Variants in SENP8 observed in about 807,000 individuals in gnomAD.
The protein encoded by SENP8 is SUMO peptidase family member, NEDD8 specific, also known as sentrin-specific protease 8.
A neutral mutation model predicts 14.4 loss-of-function variants in SENP8; 10 were observed. That is an observed-to-expected ratio of 0.69 (90% CI 0.43 to 1.18). The LOEUF (loss-of-function observed/expected upper bound fraction) is 1.18. SENP8 is among the 50% of genes most tolerant of loss of function. The pLI, the probability that SENP8 is intolerant of heterozygous loss-of-function variation, is 0.00. For synonymous variants in SENP8, 94 were observed against 95.5 expected (o/e 0.98, Z 0.09); for missense variants, 202 against 249.4 (o/e 0.81, Z 1.28).
chr15:72,143,298 A>G lies in SENP8; in HGVS notation c.*3036A>G, dbSNP rs1344774137. ...GTCAGATTCAGTAGTCTCATCTACA[A>G]AATAAACCTTGTTTTCCTTCTGTCC... is the stretch of plus-strand genomic sequence containing the variant. On this transcript the variant is annotated 3_prime_UTR_variant, in exon 2 of 2. Transcript: ENST00000340912. 1.3e-5 allele frequency: 2 copies of G among 152,250 alleles called. No homozygotes were observed. The highest frequency in any genetic ancestry group is 3.2e-3 in the Middle Eastern group (1 of 316). 9.4% of individuals were successfully genotyped at this position (152,250 alleles called of 1,614,324 possible). A position where few individuals can be genotyped will look rare whatever the true frequency, so the allele number is the denominator to read the frequency against.
intron 1 of SENP8, among the ~76,000 whole-genome samples, chr15:72,137,234 T>C (rs1459708455): frequency 6.8e-6 from 1 of 147,132 alleles, no homozygotes; most frequent in African/African-American, 2.5e-5. Flanking sequence ...GTATATGCCT[T>C]TTTTACAGAT....
At chr15:72,133,955 G>T (rs1407308617) in intron 1 of SENP8, among the ~76,000 whole-genome samples, 1 of 151,946 alleles carries the variant, frequency 6.6e-6, no homozygotes, top group Non-Finnish European at 1.5e-5. Flanking sequence ...TGTTTTGGGG[G>T]TTTTGTTTTT....
chr15:72,114,977 A>G (rs573759519), upstream of SENP8, among the ~76,000 whole-genome samples: 1 of 152,316 alleles, frequency 6.6e-6, no homozygotes, highest in African/African-American at 2.4e-5. Flanking sequence ...ATTAGGAAAG[A>G]TGGAGTTTAT....
intron 1 of SENP8, among the ~76,000 whole-genome samples, chr15:72,126,692 A>G (rs959329454): frequency 6.6e-6 from 1 of 152,236 alleles, no homozygotes; most frequent in African/African-American, 2.4e-5. Flanking sequence ...CATAATGTTC[A>G]GTGGAACACG....
Position 72,140,281 on chromosome 15 carries a change from G to T in SENP8, c.*19G>T, listed in dbSNP as rs747670340. 1.3e-6 allele frequency: 2 copies of T among 1,562,278 alleles called. No individual in the cohort carries two copies. The highest frequency in any genetic ancestry group is 2.2e-5 in the East Asian group (1 of 44,600). The stretch of plus-strand genomic sequence containing the variant: ...AAAGTAGCTATTGAAGTATATTTGC[G>T]ACTTTTGAAGGCTCCTCTTTCTGCC... On this transcript the variant is annotated 3_prime_UTR_variant, in exon 2 of 2. Transcript: ENST00000340912.
intron 1 of SENP8, among the ~76,000 whole-genome samples, chr15:72,127,573 T>C (rs1398477109): frequency 1.3e-5 from 2 of 152,172 alleles, no homozygotes; most frequent in East Asian, 1.9e-4. Context: ...CACATTTTCA[T>C]GTAGGGTTTT....
chr15:72,122,685 T>C (rs7170173), intron 1 of SENP8, among the ~76,000 whole-genome samples: 145,325 of 152,322 alleles, frequency 0.95, 69,706 homozygotes, highest in East Asian at 1. Flanking sequence ...TAGGAAGAAT[T>C]AAGTTTATGC....
intron 1 of SENP8, among the ~76,000 whole-genome samples, chr15:72,127,222 G>GA (rs1328473213): frequency 6.6e-6 from 1 of 152,166 alleles, no homozygotes; most frequent in Non-Finnish European, 1.5e-5. Flanking sequence ...GAGGGAAAGA[G>GA]AAGAGGCAGG....
At chr15:72,123,286 T>C (rs576517199) in intron 1 of SENP8, among the ~76,000 whole-genome samples, 2 of 152,242 alleles carry the variant, frequency 1.3e-5, no homozygotes, top group Non-Finnish European at 2.9e-5. Context: ...TAACCACTCC[T>C]TATCAGACTT....
At chr15:72,138,480 G>T (rs2081348016) in intron 1 of SENP8, among the ~76,000 whole-genome samples, 1 of 151,226 alleles carries the variant, frequency 6.6e-6, no homozygotes, top group Admixed American at 6.6e-5. Flanking sequence ...CTTTCGAGTA[G>T]CTGGGATTAC....
chr15:72,118,264 C>A (rs1488532478), upstream of SENP8: 1 of 313,180 alleles, frequency 3.2e-6, no homozygotes, highest in Non-Finnish European at 5.8e-6. Flanking sequence ...GCCCCCTTTC[C>A]TACGCCCCAG....
At chr15:72,118,861 G>C (rs1290605172) in intron 1 of SENP8, among the ~76,000 whole-genome samples, 1 of 152,196 alleles carries the variant, frequency 6.6e-6, no homozygotes, top group Non-Finnish European at 1.5e-5. Context: ...AGGGGTCCCA[G>C]GTTGTGTAGG....
chr15:72,115,427 A>T (rs142117549), upstream of SENP8, among the ~76,000 whole-genome samples: 739 of 151,894 alleles, frequency 4.9e-3, 8 homozygotes, highest in Non-Finnish European at 9.0e-3. Flanking sequence ...ACAAAATCCC[A>T]CTCCTTCATG....
At chr15:72,127,505 G>A (rs1271986117) in intron 1 of SENP8, among the ~76,000 whole-genome samples, 1 of 152,054 alleles carries the variant, frequency 6.6e-6, no homozygotes, top group African/African-American at 2.4e-5. Context: ...TTTGTGGCTG[G>A]GTCTTAGTGG....
rs143041345 is a variant in SENP8, at chr15:72,142,764, C to T, written c.*2502C>T. On this transcript the variant is annotated 3_prime_UTR_variant, in exon 2 of 2. Coordinates refer to ENST00000340912, the MANE Select transcript of SENP8 (RefSeq NM_145204.4). ...TATGTTGAAGTTCACAAGCGCTGGT[C>T]CTAACCAGATCAGATAAAGTGGATT... The T allele has an allele frequency of 9.2e-5, 14 of 152,276 alleles. No homozygotes were observed. The highest frequency in any genetic ancestry group is 3.1e-4 in the African/African-American group (13 of 41,550). 9.4% of individuals were successfully genotyped at this position (152,276 alleles called of 1,614,324 possible). A position where few individuals can be genotyped will look rare whatever the true frequency, so the allele number is the denominator to read the frequency against.
intron 1 of SENP8, among the ~76,000 whole-genome samples, chr15:72,132,269 G>A (rs1376991869): frequency 6.6e-6 from 1 of 151,964 alleles, no homozygotes; most frequent in African/African-American, 2.4e-5. Flanking sequence ...CATCCACCAA[G>A]ACCAAGTACA....
chr15:72,125,955 C>T (rs531720843), intron 1 of SENP8, among the ~76,000 whole-genome samples: 1 of 152,142 alleles, frequency 6.6e-6, no homozygotes, highest in East Asian at 1.9e-4. Context: ...TCCCAAGTAA[C>T]TGAGATTACA....
In SENP8 at chr15:72,139,876, G is replaced by C; in HGVS notation, c.253G>C (p.Val85Leu). ...LEPLDLPNKR[V>L]VFLAINDNSN... Reference sequence around the variant, plus strand: ...ACCACTGGACCTCCCCAACAAGAGAGTTGTATTTTTAGCCATCAATGATAA... The same window carrying C: ...ACCACTGGACCTCCCCAACAAGAGACTTGTATTTTTAGCCATCAATGATAA... The change falls in exon 2 of 2, where the codon GTT (valine) becomes CTT (leucine). Residue 85 changes from valine to leucine, a missense_variant. Coordinates refer to ENST00000340912, the MANE Select transcript of SENP8 (RefSeq NM_145204.4). 1 of 1,614,226 alleles carries C rather than the reference G, an allele frequency of 6.2e-7. No individual in the cohort carries two copies. The highest frequency in any genetic ancestry group is 8.5e-7 in the Non-Finnish European group (1 of 1,180,046).
At chr15:72,130,145 G>A (rs568307172) in intron 1 of SENP8, among the ~76,000 whole-genome samples, 61 of 152,278 alleles carry the variant, frequency 4.0e-4, no homozygotes, top group Middle Eastern at 3.4e-3. Context: ...AGCTGAGATC[G>A]CGCCATTGCA....
Sources: allele counts gnomAD v4.1 joint callset (sites outside exome capture counted in the v4.1 genomes callset), GRCh38; gene constraint gnomAD v4.1.1; transcripts MANE v1.5; gene names NCBI Gene and HGNC (gene_info 2026-07-23, HGNC 2026-07-21).